Variants in ANKS1B observed in about 807,000 individuals in gnomAD.
ANKS1B encodes ankyrin repeat and sterile alpha motif domain containing 1B, also known as ankyrin repeat and sterile alpha motif domain-containing protein 1B.
In ANKS1B, 36 loss-of-function variants were observed where a neutral mutation model predicts 148.3. The observed-to-expected ratio is 0.24, with a 90% CI of 0.19 to 0.32. The LOEUF (loss-of-function observed/expected upper bound fraction) is 0.32, where lower values mean the gene tolerates loss of function less well. Among genes scored for constraint, ANKS1B ranks in the 10% least tolerant of loss-of-function variants. The probability of loss-of-function intolerance (pLI) is 1.00; values close to 1 mark genes in which losing one functional copy is unlikely to be tolerated. For missense variants in ANKS1B, 1,157 were observed against 1,542.6 expected, an observed-to-expected ratio of 0.75 and a Z score of 4.19; for synonymous variants, 542 against 560.8, an observed-to-expected ratio of 0.97 and a Z score of 0.47.
chr12:99,787,723 G>A (rs1048471610), intron 4 of ANKS1B, among the ~76,000 whole-genome samples: 2 of 152,200 alleles, frequency 1.3e-5, no homozygotes, highest in Admixed American at 6.5e-5. Flanking sequence ...ACACTGAGGA[G>A]GGTGGAAGAG....
intron 1 of ANKS1B, among the ~76,000 whole-genome samples, chr12:99,919,255 G>A (rs186577049): frequency 6.6e-6 from 1 of 152,168 alleles, no homozygotes; most frequent in African/African-American, 2.4e-5. Context: ...ATGTGGCCTA[G>A]GACAAGTTAT....
At chr12:99,009,352 G>A (rs1008419951) in intron 17 of ANKS1B, among the ~76,000 whole-genome samples, 1 of 152,156 alleles carries the variant, frequency 6.6e-6, no homozygotes, top group Non-Finnish European at 1.5e-5. Context: ...TTGTAAGCAC[G>A]AACAGAGAGA....
intron 14 of ANKS1B, chr12:99,155,088 T>G (rs2075853605): frequency 2.0e-6 from 3 of 1,529,312 alleles, no homozygotes; most frequent in Non-Finnish European, 2.6e-6. Context: ...GGTTATACGT[T>G]ACAGAGCTAT....
intron 15 of ANKS1B, among the ~76,000 whole-genome samples, chr12:99,125,434 T>C (rs2064051310): frequency 1.3e-5 from 2 of 152,196 alleles, no homozygotes; most frequent in Admixed American, 6.5e-5. Flanking sequence ...TACCCAGGGC[T>C]CTTTTCTGGG....
At chr12:99,478,201 T>A (rs1034866041) in intron 10 of ANKS1B, among the ~76,000 whole-genome samples, 4 of 152,146 alleles carry the variant, frequency 2.6e-5, no homozygotes, top group Non-Finnish European at 4.4e-5. Context: ...AGCTCTTTCA[T>A]AGGCCCCTCC....
intron 12 of ANKS1B, among the ~76,000 whole-genome samples, chr12:99,364,244 T>A (rs1401091545): frequency 2.6e-5 from 4 of 151,008 alleles, no homozygotes; most frequent in Admixed American, 2.6e-4. Context: ...TAATGAAGAG[T>A]TAGAATAATG....
intron 12 of ANKS1B, among the ~76,000 whole-genome samples, chr12:99,354,787 G>GA (rs1311119178): frequency 6.6e-6 from 1 of 151,804 alleles, no homozygotes; most frequent in Non-Finnish European, 1.5e-5. Flanking sequence ...TGACAGGGGA[G>GA]AAAAAAACCA....
intron 9 of ANKS1B, among the ~76,000 whole-genome samples, chr12:99,544,930 C>T (rs2097159195): frequency 6.6e-6 from 1 of 152,120 alleles, no homozygotes. Context: ...AAAACACTGT[C>T]TAATTATTGG....
intron 1 of ANKS1B, among the ~76,000 whole-genome samples, chr12:99,847,745 G>A (rs1479373949): frequency 1.3e-5 from 2 of 151,910 alleles, no homozygotes. Flanking sequence ...CTTTTTTCTT[G>A]TTAACCTATC....
chr12:99,013,777 AAATACCTAGGAATAC>A lies in ANKS1B; in HGVS notation c.2778+39365_2778+39379del, dbSNP rs370583234. Among the ~76,000 whole-genome samples, 175 of 152,274 alleles carry A rather than the reference AAATACCTAGGAATAC, an allele frequency of 1.1e-3. 2 individuals carry two copies. The East Asian group carries it at 0.028, about 25-fold the overall frequency. ...ATTCACGACTGCCACAAAAAGAATA[AAATACCTAGGAATAC>A]AGCTATGTAGGGTGGTGAAAGATGT... On this transcript the variant is annotated intron_variant, in intron 17 of 26. Coordinates refer to ENST00000683438, the MANE Select transcript of ANKS1B (RefSeq NM_001352186.2).
At chr12:99,325,231 T>C (rs1038555800) in intron 12 of ANKS1B, among the ~76,000 whole-genome samples, 6 of 152,116 alleles carry the variant, frequency 3.9e-5, no homozygotes, top group African/African-American at 1.4e-4. Flanking sequence ...CTAAGAAAGA[T>C]GAGACATCAG....
At chr12:99,689,418 C>T (rs1316518863) in intron 8 of ANKS1B, among the ~76,000 whole-genome samples, 3 of 152,160 alleles carry the variant, frequency 2.0e-5, no homozygotes, top group Non-Finnish European at 4.4e-5. Flanking sequence ...TTTAAGATGG[C>T]TCTAAGATTC....
At chr12:99,496,952 C>A (rs2096610290) in intron 10 of ANKS1B, among the ~76,000 whole-genome samples, 1 of 152,114 alleles carries the variant, frequency 6.6e-6, no homozygotes, top group African/African-American at 2.4e-5. Flanking sequence ...TCCTCAATTG[C>A]CTCTCCCTAT....
At chr12:99,845,607 GC>G (rs1333498243) in intron 1 of ANKS1B, among the ~76,000 whole-genome samples, 1 of 152,152 alleles carries the variant, frequency 6.6e-6, no homozygotes, top group Non-Finnish European at 1.5e-5. Context: ...TTGATGTGCT[GC>G]TGGATTCAGT....
intron 15 of ANKS1B, among the ~76,000 whole-genome samples, chr12:99,124,410 T>C (rs2063724009): frequency 1.3e-5 from 1 of 79,092 alleles, no homozygotes; most frequent in Non-Finnish European, 2.5e-5. Context: ...ACAAACTTAT[T>C]TGTGTGCATG....
Position 99,474,505 on chromosome 12 carries a change from T to C in ANKS1B, c.1438+29971A>G, listed in dbSNP as rs1160705010. ...AAAACCAAACATGGGGCTAAAAAGT[T>C]AGACACATTTTTTTAAAAAAGTTCT... On this transcript the variant is annotated intron_variant, in intron 10 of 26. Transcript: ENST00000683438. Among the ~76,000 whole-genome samples the C allele has an allele frequency of 6.6e-5, 10 of 152,038 alleles. 1 individual carries two copies. Among genetic ancestry groups the C allele is most frequent in the Admixed American group, 1.3e-4 (2 of 15,246 alleles).
chr12:99,685,432 T>C (rs1023074262), intron 8 of ANKS1B, among the ~76,000 whole-genome samples: 3 of 152,046 alleles, frequency 2.0e-5, no homozygotes, highest in African/African-American at 4.8e-5. Flanking sequence ...TAAAACATAA[T>C]AGATGTTGGC....
chr12:99,891,545 G>A (rs939248276), intron 1 of ANKS1B, among the ~76,000 whole-genome samples: 4 of 151,912 alleles, frequency 2.6e-5, no homozygotes, highest in Admixed American at 2.0e-4. Flanking sequence ...ATTTGCATTT[G>A]TCTAATGACT....
At chr12:99,624,230 T>G (rs960388077) in intron 9 of ANKS1B, among the ~76,000 whole-genome samples, 8 of 151,938 alleles carry the variant, frequency 5.3e-5, no homozygotes. Context: ...GGAACCCTAC[T>G]TTTCACCATA....
Sources: allele counts gnomAD v4.1 joint callset (sites outside exome capture counted in the v4.1 genomes callset), GRCh38; gene constraint gnomAD v4.1.1; transcripts MANE v1.5; gene names NCBI Gene and HGNC (gene_info 2026-07-23, HGNC 2026-07-21).